PPP3CA: variants seen among roughly 807,000 people sequenced by gnomAD.
PPP3CA encodes the protein CAM-PRP catalytic subunit.
PPP3CA carries 14 observed loss-of-function variants against 66.5 expected under a neutral mutation model. The ratio of observed to expected loss-of-function variants is 0.21; its 90% CI spans 0.14 to 0.33. The LOEUF is 0.33. Among genes scored for constraint, PPP3CA ranks in the 10% least tolerant of loss-of-function variants. The pLI, the probability that PPP3CA is intolerant of heterozygous loss-of-function variation, is 1.00. For missense variants in PPP3CA, 317 were observed against 639.5 expected (o/e 0.50, Z 5.44); for synonymous variants, 232 against 226.2 (o/e 1.03, Z -0.23).
At chr4:101,155,935 C>A (rs1014572230) in intron 2 of PPP3CA, among the ~76,000 whole-genome samples, 2 of 152,168 alleles carry the variant, frequency 1.3e-5, no homozygotes, top group Non-Finnish European at 2.9e-5. Context: ...GAGCTCTTAT[C>A]ATGTGCTGTG....
chr4:101,169,737 C>CTTT (rs5860661), intron 2 of PPP3CA, among the ~76,000 whole-genome samples: 3 of 149,712 alleles, frequency 2.0e-5, no homozygotes, highest in African/African-American at 4.9e-5. Flanking sequence ...AAGTAAATGC[C>CTTT]TTTTTTTTTT....
chr4:101,278,122 T>TAAAAAAAAAAAAAAAAAAAAAAAA lies in PPP3CA; in HGVS notation c.58+68616_58+68617insTTTTTTTTTTTTTTTTTTTTTTTT, dbSNP rs3077992. On this transcript the variant is annotated intron_variant, in intron 1 of 13. Transcript: ENST00000394854. The stretch of plus-strand genomic sequence containing the variant: ...AAAATGAAACTTTAAAAGCTATTAG[T>TAAAAAAAAAAAAAAAAAAAAAAAA]AAAAAAAAAAAAAAAAATAAAAAAA... Among the ~76,000 whole-genome samples the TAAAAAAAAAAAAAAAAAAAAAAAA allele has an allele frequency of 6.3e-4, 71 of 112,120 alleles. 4 individuals are homozygous for TAAAAAAAAAAAAAAAAAAAAAAAA. The highest frequency in any genetic ancestry group is 3.0e-3 in the African/African-American group (67 of 22,630). The allele number at this position is 112,120 out of a possible 152,430, so 73.6% of individuals were successfully genotyped here.
intron 2 of PPP3CA, among the ~76,000 whole-genome samples, chr4:101,136,432 T>C (rs574658305): frequency 6.6e-6 from 1 of 152,110 alleles, no homozygotes; most frequent in East Asian, 1.9e-4. Flanking sequence ...TCCCAGCTAC[T>C]TGGCAGGCTG....
At chr4:101,167,825 G>T (rs1723741306) in intron 2 of PPP3CA, among the ~76,000 whole-genome samples, 1 of 152,178 alleles carries the variant, frequency 6.6e-6, no homozygotes, top group Non-Finnish European at 1.5e-5. Context: ...AGAAAGAGAA[G>T]GGAAGCCAGA....
In PPP3CA at chr4:101,026,080, A is replaced by T. The variant is rs1726634996; in HGVS notation, c.1370-19T>A. ...TTGATAGCTAAACAGAAAATCATTA[A>T]AAAAAGAAAACCAGGATTATCCAAA... On this transcript the variant is annotated intron_variant, in intron 13 of 13. Coordinates refer to ENST00000394854, the MANE Select transcript of PPP3CA (RefSeq NM_000944.5). 6.4e-7 allele frequency: 1 copy of T among 1,565,850 alleles called. No individual in the cohort carries two copies. Among genetic ancestry groups the T allele is most frequent in the East Asian group, 2.3e-5 (1 of 44,336 alleles).
At chr4:101,139,215 C>T (rs1000857555) in intron 2 of PPP3CA, among the ~76,000 whole-genome samples, 3 of 151,888 alleles carry the variant, frequency 2.0e-5, no homozygotes, top group Admixed American at 2.0e-4. Context: ...GGTGTGGTGG[C>T]AGGCACCTGT....
chr4:101,341,203 TTTTTC>T (rs201772412), intron 1 of PPP3CA, among the ~76,000 whole-genome samples: 14,889 of 46,376 alleles, frequency 0.32, 2,551 homozygotes, highest in African/African-American at 0.54. Context: ...TCTTTTTTTC[TTTTTC>T]TTTTTTTTTT....
intron 1 of PPP3CA, among the ~76,000 whole-genome samples, chr4:101,212,459 T>C (rs1272354039): frequency 6.6e-6 from 1 of 152,036 alleles, no homozygotes; most frequent in African/African-American, 2.4e-5. Flanking sequence ...TCGGGGCTTG[T>C]CAAGGAGGGT....
intron 1 of PPP3CA, among the ~76,000 whole-genome samples, chr4:101,340,388 AATTT>A (rs1311254755): frequency 6.6e-6 from 1 of 152,162 alleles, no homozygotes; most frequent in Non-Finnish European, 1.5e-5. Flanking sequence ...GCATTTTAAT[AATTT>A]ATTGCCACTT....
At chr4:101,060,281 G>C (rs1200023204) in intron 10 of PPP3CA, among the ~76,000 whole-genome samples, 2 of 151,930 alleles carry the variant, frequency 1.3e-5, no homozygotes, top group Non-Finnish European at 2.9e-5. Flanking sequence ...ATTCTCCCTA[G>C]GTTTCCCAGG....
intron 1 of PPP3CA, among the ~76,000 whole-genome samples, chr4:101,212,303 C>T (rs1395905213): frequency 6.6e-6 from 1 of 152,104 alleles, no homozygotes; most frequent in Admixed American, 6.6e-5. Flanking sequence ...GAGACCATGT[C>T]CTTTGCAGGA....
At chr4:101,038,948 G>A (rs1560573640) in intron 11 of PPP3CA, among the ~76,000 whole-genome samples, 6 of 152,124 alleles carry the variant, frequency 3.9e-5, no homozygotes, top group South Asian at 2.1e-4. Context: ...CATTTATCAC[G>A]GGATAGTCAT....
chr4:101,109,867 T>C (rs1721612302), intron 2 of PPP3CA, among the ~76,000 whole-genome samples: 1 of 152,160 alleles, frequency 6.6e-6, no homozygotes, highest in African/African-American at 2.4e-5. Context: ...ACTCACTTAT[T>C]TAATACTTAT....
chr4:101,207,275 T>C (rs1725159594), intron 1 of PPP3CA, among the ~76,000 whole-genome samples: 1 of 152,162 alleles, frequency 6.6e-6, no homozygotes, highest in Non-Finnish European at 1.5e-5. Context: ...TTTCCTAGTT[T>C]ATAAGAATGC....
intron 3 of PPP3CA, among the ~76,000 whole-genome samples, chr4:101,104,787 T>A (rs555483735): frequency 1.3e-5 from 2 of 152,302 alleles, no homozygotes; most frequent in South Asian, 4.1e-4. Flanking sequence ...ACGATATCAA[T>A]GAGCCATTCC....
chr4:101,046,227 A>G (rs1727758132), intron 10 of PPP3CA, among the ~76,000 whole-genome samples: 1 of 152,204 alleles, frequency 6.6e-6, no homozygotes, highest in Non-Finnish European at 1.5e-5. Flanking sequence ...TAGTTTCAAC[A>G]CATTTTTACA....
chr4:101,088,212 T>A (rs142758093), intron 6 of PPP3CA, among the ~76,000 whole-genome samples: 132 of 152,286 alleles, frequency 8.7e-4, no homozygotes, highest in Admixed American at 1.4e-3. Context: ...ACTTTGTATT[T>A]TACTTGTCTG....
chr4:101,204,361 G>C (rs1297480754), intron 1 of PPP3CA, among the ~76,000 whole-genome samples: 3 of 152,016 alleles, frequency 2.0e-5, no homozygotes, highest in African/African-American at 7.2e-5. Context: ...AGTAGGCCGG[G>C]CTCAGTGGCT....
intron 1 of PPP3CA, among the ~76,000 whole-genome samples, chr4:101,207,360 C>G (rs569460443): frequency 2.6e-5 from 4 of 152,272 alleles, no homozygotes; most frequent in African/African-American, 9.6e-5. Flanking sequence ...ATATCCAAGA[C>G]TTAATAGACT....
Sources: gnomAD v4.1 joint callset for allele counts (sites outside exome capture counted in the v4.1 genomes callset) on GRCh38, gnomAD v4.1.1 for gene constraint, MANE v1.5 for transcripts, NCBI Gene and HGNC (gene_info 2026-07-23, HGNC 2026-07-21) for gene names.